The following ANK3 variants were observed in gnomAD, a reference collection of about 807,000 sequenced individuals.
ANK3 encodes the protein ankyrin-3.
Under a neutral mutation model 370.9 loss-of-function variants are expected in ANK3, and 57 were observed. The ratio of observed to expected loss-of-function variants is 0.15; its 90% CI spans 0.12 to 0.19. ANK3 has a LOEUF of 0.19. ANK3 is among the 10% of genes least tolerant of loss of function. ANK3 has a pLI of 1.00. For missense variants in ANK3, 4,439 were observed against 5,302.1 expected (o/e 0.84, Z 5.06); for synonymous variants, 1,929 against 1,946.3 (o/e 0.99, Z 0.23).
At chr10:60,624,199 A>C (rs971240015) in intron 1 of ANK3, among the ~76,000 whole-genome samples, 16 of 152,168 alleles carry the variant, frequency 1.1e-4, no homozygotes, top group Non-Finnish European at 2.4e-4. Context: ...CCTCAACCTA[A>C]ATTAAAAGTA....
chr10:60,076,375 T>C lies in ANK3; in HGVS notation c.4506A>G (p.Pro1502=). 1 of 1,614,034 alleles carries C rather than the reference T, an allele frequency of 6.2e-7. No homozygotes were observed. Residue 1502 remains proline (P), a synonymous_variant, in exon 37 of 44, where the codon CCA becomes CCG. Coordinates refer to ENST00000280772, the MANE Select transcript of ANK3 (RefSeq NM_020987.5). The stretch of plus-strand genomic sequence containing the variant: ...TCGGAGCTGTTGTCCAGGACTGGTA[T>C]GGTCTTGTAGAAAAGAATGGCTTGT... ...YSYKPFFSTR[P]YQSWTTAPIT...
At chr10:60,198,119 T>C (rs756362287) in intron 14 of ANK3, among the ~76,000 whole-genome samples, 7 of 152,156 alleles carry the variant, frequency 4.6e-5, no homozygotes, top group South Asian at 4.1e-4. Context: ...TAAGGTTTCA[T>C]TGGAAGATAA....
chr10:60,537,609 T>A (rs967880783), intron 2 of ANK3, among the ~76,000 whole-genome samples: 3 of 151,936 alleles, frequency 2.0e-5, no homozygotes, highest in Non-Finnish European at 4.4e-5. Context: ...AAGCCTGCTT[T>A]TGAAATTTAT....
intron 38 of ANK3, 21 bp downstream of exon 38, chr10:60,067,914 T>C: frequency 6.3e-7 from 1 of 1,585,098 alleles, no homozygotes; most frequent in South Asian, 1.1e-5. Context: ...ATTTGTTCCA[T>C]TCAGGAGTGT....
At chr10:60,434,387 A>T (rs903609891) in intron 2 of ANK3, among the ~76,000 whole-genome samples, 1 of 152,248 alleles carries the variant, frequency 6.6e-6, no homozygotes, top group Non-Finnish European at 1.5e-5. Context: ...AAATCAAATC[A>T]CACATTGAAT....
intron 3 of ANK3, 28 bp downstream of exon 3, chr10:60,279,022 C>A: frequency 6.2e-7 from 1 of 1,609,228 alleles, no homozygotes; most frequent in African/African-American, 1.3e-5. Flanking sequence ...GCGAGTGGTT[C>A]AAAAAGCATT....
intron 4 of ANK3, among the ~76,000 whole-genome samples, chr10:60,270,638 A>T (rs72820495): frequency 0.019 from 2,946 of 152,324 alleles, 36 homozygotes; most frequent in South Asian, 0.035. Context: ...GCTCCCAAGC[A>T]TCAATTATCT....
intron 2 of ANK3, among the ~76,000 whole-genome samples, chr10:60,493,022 GTGAGCCA>G (rs1489963881): frequency 6.7e-6 from 1 of 149,412 alleles, no homozygotes; most frequent in Non-Finnish European, 1.5e-5. Flanking sequence ...GGAGGTTGCA[GTGAGCCA>G]AGATTGTGTC....
chr10:60,311,054 C>T (rs2046236978), intron 1 of ANK3, among the ~76,000 whole-genome samples: 1 of 152,060 alleles, frequency 6.6e-6, no homozygotes, highest in South Asian at 2.1e-4. Flanking sequence ...AGATAGGAAA[C>T]AAAAAGAACT....
intron 7 of ANK3, among the ~76,000 whole-genome samples, chr10:60,240,306 A>ATATAATTT (rs11282162): frequency 2.5e-5 from 3 of 119,772 alleles, no homozygotes; most frequent in Non-Finnish European, 5.1e-5. Flanking sequence ...ATATATATAT[A>ATATAATTT]TTTTTTTTTC....
At chr10:60,513,278 T>C (rs547000389) in intron 2 of ANK3, among the ~76,000 whole-genome samples, 4 of 152,246 alleles carry the variant, frequency 2.6e-5, no homozygotes, top group African/African-American at 9.6e-5. Flanking sequence ...AAACAAAGAT[T>C]ATAAGATGTG....
intron 2 of ANK3, among the ~76,000 whole-genome samples, chr10:60,410,697 C>A (rs1376069718): frequency 2.0e-5 from 3 of 152,088 alleles, no homozygotes; most frequent in Non-Finnish European, 4.4e-5. Flanking sequence ...GACAGGGTCT[C>A]AATCTGTTGC....
intron 2 of ANK3, among the ~76,000 whole-genome samples, chr10:60,605,976 T>G (rs2078123629): frequency 6.6e-6 from 1 of 152,164 alleles, no homozygotes. Context: ...TTTCTAGAGC[T>G]TCAAATTATC....
intron 2 of ANK3, among the ~76,000 whole-genome samples, chr10:60,605,174 GCAT>G (rs1384138692): frequency 3.3e-5 from 5 of 152,206 alleles, no homozygotes; most frequent in Admixed American, 3.3e-4. Flanking sequence ...AACTGAACTG[GCAT>G]CAGCACAACT....
chr10:60,360,657 G>A (rs55864146), intron 1 of ANK3, among the ~76,000 whole-genome samples: 5 of 152,146 alleles, frequency 3.3e-5, no homozygotes, highest in East Asian at 1.9e-4. Flanking sequence ...TGCAGTTCAC[G>A]CCACTGTACT....
At position 60,072,754 on chromosome 10, in the gene ANK3, C is replaced by T. The variant is rs200371422; in HGVS notation, c.8127G>A (p.Gln2709=). The stretch of plus-strand genomic sequence containing the variant: ...TGGAACTGAGTTTAGATTGTTTGAG[C>T]TGGAATCCAGACTGGGGCCCATCTG... ...KAPDGPQSGF[Q]LKQSKLSSIR... is the part of the protein sequence containing the mutation. Residue 2709 remains glutamine, a synonymous_variant, in exon 37 of 44, where the codon CAG becomes CAA. Coordinates refer to ENST00000280772, the MANE Select transcript of ANK3 (RefSeq NM_020987.5). 2 of 1,614,088 alleles carry T rather than the reference C, an allele frequency of 1.2e-6. No homozygotes were observed. Among genetic ancestry groups the T allele is most frequent in the Non-Finnish European group, 1.7e-6 (2 of 1,180,012 alleles).
At position 60,552,415 on chromosome 10, in the gene ANK3, T is replaced by C. The variant is rs144493338; in HGVS notation, c.96+62771A>G. Among the ~76,000 whole-genome samples the C allele has an allele frequency of 4.3e-3, 653 of 152,324 alleles. 5 individuals carry two copies. The highest frequency in any genetic ancestry group is 0.014 in the African/African-American group (600 of 41,566). ...CATATGTGAGATTTCAACAAAATAC[T>C]TTTATTACAACAATAAATATAAACA... On this transcript the variant is annotated intron_variant, in intron 2 of 43. Coordinates refer to the ANK3 transcript ENST00000373827.
chr10:60,534,660 TCTAC>T (rs1231755134), intron 2 of ANK3, among the ~76,000 whole-genome samples: 2 of 152,152 alleles, frequency 1.3e-5, no homozygotes, highest in East Asian at 3.9e-4. Context: ...GCTTGTCAGT[TCTAC>T]CTGAGAGTGT....
At chr10:60,351,792 G>A (rs529861971) in intron 1 of ANK3, among the ~76,000 whole-genome samples, 2 of 152,180 alleles carry the variant, frequency 1.3e-5, no homozygotes, top group Admixed American at 1.3e-4. Flanking sequence ...GGGTCTCAGA[G>A]AACAGTTCAG....
Sources: gnomAD v4.1 joint callset for allele counts (sites outside exome capture counted in the v4.1 genomes callset) on GRCh38, gnomAD v4.1.1 for gene constraint, MANE v1.5 for transcripts, NCBI Gene and HGNC (gene_info 2026-07-23, HGNC 2026-07-21) for gene names.